KCNN2: variants seen among roughly 807,000 people sequenced by gnomAD.
KCNN2 encodes the protein small conductance calcium-activated potassium channel protein 2.
Under a neutral mutation model 55.5 loss-of-function variants are expected in KCNN2, and 24 were observed. The observed-to-expected ratio is 0.43, with a 90% CI of 0.31 to 0.61. The LOEUF (loss-of-function observed/expected upper bound fraction) is 0.61. KCNN2 is among the 20% of genes least tolerant of loss of function. The pLI is 0.08. For missense variants in KCNN2, 754 were observed against 853.6 expected, an observed-to-expected ratio of 0.88 and a Z score of 1.45; for synonymous variants, 431 against 336.1, an observed-to-expected ratio of 1.28 and a Z score of -3.09.
intron 2 of KCNN2, among the ~76,000 whole-genome samples, chr5:114,341,540 A>G (rs1285928902): frequency 1.3e-5 from 2 of 152,194 alleles, no homozygotes; most frequent in African/African-American, 2.4e-5. Context: ...GTTTGATGTC[A>G]TTATAATTTA....
intron 1 of KCNN2, among the ~76,000 whole-genome samples, chr5:114,162,798 A>T (rs1752817011): frequency 1.3e-5 from 2 of 152,224 alleles, no homozygotes; most frequent in East Asian, 3.9e-4. Flanking sequence ...GGACCCTCCG[A>T]GCCAGGTGTG....
chr5:114,169,048 C>A (rs916555550), intron 1 of KCNN2, among the ~76,000 whole-genome samples: 1 of 152,072 alleles, frequency 6.6e-6, no homozygotes, highest in Non-Finnish European at 1.5e-5. Context: ...GCATTTCCCC[C>A]TTTACTCTCT....
At chr5:114,182,260 A>T (rs1374343996) in intron 1 of KCNN2, among the ~76,000 whole-genome samples, 1 of 151,922 alleles carries the variant, frequency 6.6e-6, no homozygotes, top group African/African-American at 2.4e-5. Context: ...CTAGTTGTTG[A>T]TCCTGCCTGC....
intron 2 of KCNN2, among the ~76,000 whole-genome samples, chr5:114,290,893 T>C (rs1220259450): frequency 4.6e-5 from 7 of 152,134 alleles, no homozygotes; most frequent in Non-Finnish European, 8.8e-5. Flanking sequence ...ATTTGTGAAC[T>C]TTTCTATTTT....
intron 1 of KCNN2, among the ~76,000 whole-genome samples, chr5:114,212,863 AC>A (rs1753916925): frequency 6.6e-6 from 1 of 152,002 alleles, no homozygotes; most frequent in Non-Finnish European, 1.5e-5. Context: ...CAGCCTCAAA[AC>A]TTTTCTGATT....
chr5:114,144,541 G>A (rs902585380), intron 1 of KCNN2, among the ~76,000 whole-genome samples: 6 of 152,042 alleles, frequency 3.9e-5, no homozygotes, highest in African/African-American at 1.2e-4. Context: ...GGAGAGAGGG[G>A]AAAGATTCCC....
intron 2 of KCNN2, among the ~76,000 whole-genome samples, chr5:114,270,144 T>G (rs757012720): frequency 1.1e-4 from 17 of 152,330 alleles, no homozygotes; most frequent in Admixed American, 3.9e-4. Context: ...AAGAATTTTA[T>G]AGTAATTGTT....
intron 2 of KCNN2, among the ~76,000 whole-genome samples, chr5:114,262,447 T>C (rs1053581832): frequency 1.3e-5 from 2 of 152,200 alleles, no homozygotes; most frequent in African/African-American, 4.8e-5. Flanking sequence ...TTACGAACCT[T>C]TTTCAAGAGA....
intron 1 of KCNN2, among the ~76,000 whole-genome samples, chr5:114,159,685 G>A (rs561130793): frequency 1.9e-4 from 29 of 152,260 alleles, no homozygotes; most frequent in African/African-American, 6.5e-4. Context: ...TTCAGAGCCT[G>A]TTATTGGTCT....
At position 114,404,707 on chromosome 5, in the gene KCNN2, C is replaced by G; in HGVS notation, c.1488C>G (p.Ser496=). Residue 496 remains serine, a synonymous_variant, in exon 3 of 8, where the codon TCC becomes TCG. Coordinates refer to ENST00000673685, the MANE Select transcript of KCNN2 (RefSeq NM_021614.4). ...ATAGCAAACTTTTCACTGATGCCTC[C>G]TCTAGAAGCATTGGAGCACTTAATA... The part of the protein sequence containing the change: ...LLHSKLFTDA[S]SRSIGALNKI... 6.2e-7 allele frequency: 1 copy of G among 1,614,036 alleles called. No homozygotes were observed. The highest frequency in any genetic ancestry group is 8.5e-7 in the Non-Finnish European group (1 of 1,180,002).
intron 1 of KCNN2, among the ~76,000 whole-genome samples, chr5:114,071,623 G>A (rs574093940): frequency 6.6e-5 from 10 of 152,144 alleles, no homozygotes; most frequent in Non-Finnish European, 1.3e-4. Flanking sequence ...ATCTTCATAT[G>A]TACAGAATAT....
intron 2 of KCNN2, among the ~76,000 whole-genome samples, chr5:114,260,559 C>T (rs564770207): frequency 2.0e-5 from 3 of 152,244 alleles, no homozygotes; most frequent in East Asian, 1.9e-4. Flanking sequence ...GCAATGATCT[C>T]GAATATCTTG....
intron 1 of KCNN2, among the ~76,000 whole-genome samples, chr5:114,211,924 A>G (rs1753894928): frequency 1.3e-5 from 2 of 151,432 alleles, no homozygotes; most frequent in African/African-American, 4.8e-5. Context: ...ATTAAAATTT[A>G]TATTAAAATA....
intron 2 of KCNN2, among the ~76,000 whole-genome samples, chr5:114,341,994 T>C (rs1299055564): frequency 4.6e-5 from 7 of 151,552 alleles, no homozygotes; most frequent in Admixed American, 3.9e-4. Context: ...CTCAGCCTCC[T>C]GGGTTCACGC....
intron 1 of KCNN2, among the ~76,000 whole-genome samples, chr5:114,113,276 T>G (rs1370964220): frequency 6.6e-6 from 1 of 152,016 alleles, no homozygotes; most frequent in Non-Finnish European, 1.5e-5. Context: ...GTCAGCTGCC[T>G]AGGATCTTTC....
At chr5:114,106,288 A>G (rs1322085410) in intron 1 of KCNN2, among the ~76,000 whole-genome samples, 1 of 151,620 alleles carries the variant, frequency 6.6e-6, no homozygotes, top group East Asian at 1.9e-4. Context: ...TTTGTCTATT[A>G]TGAAGCATTC....
intron 2 of KCNN2, among the ~76,000 whole-genome samples, chr5:114,225,694 A>AT (rs1754226448): frequency 6.6e-6 from 1 of 152,186 alleles, no homozygotes; most frequent in Non-Finnish European, 1.5e-5. Context: ...AAGAAAAAAA[A>AT]AGAAAATCAA....
intron 2 of KCNN2, among the ~76,000 whole-genome samples, chr5:114,227,996 AT>A (rs1331611661): frequency 4.4e-3 from 14 of 3,210 alleles, no homozygotes; most frequent in Non-Finnish European, 6.3e-3. Context: ...GATGATGACG[AT>A]GATGATGATG....
At chr5:114,192,533 G>T (rs1294556303) in intron 1 of KCNN2, among the ~76,000 whole-genome samples, 2 of 152,050 alleles carry the variant, frequency 1.3e-5, no homozygotes, top group Non-Finnish European at 2.9e-5. Context: ...GGGGTAGCTG[G>T]ATTAAAGATG....
Sources: allele counts gnomAD v4.1 joint callset (sites outside exome capture counted in the v4.1 genomes callset), GRCh38; gene constraint gnomAD v4.1.1; transcripts MANE v1.5; gene names NCBI Gene and HGNC (gene_info 2026-07-23, HGNC 2026-07-21).